The following STARD13 variants were observed in gnomAD, a reference collection of about 807,000 sequenced individuals.
STARD13 encodes the protein stAR-related lipid transfer protein 13.
STARD13 carries 62 observed loss-of-function variants against 106.4 expected under a neutral mutation model. The ratio of observed to expected loss-of-function variants is 0.58; its 90% CI spans 0.48 to 0.72. The LOEUF is 0.72. STARD13 is among the 30% of genes least tolerant of loss of function. STARD13 has a pLI of 0.00. For synonymous variants in STARD13, 565 were observed against 553.0 expected, an observed-to-expected ratio of 1.02 and a Z score of -0.31; for missense variants, 1,387 against 1,424.0, an observed-to-expected ratio of 0.97 and a Z score of 0.42.
intron 1 of STARD13, among the ~76,000 whole-genome samples, chr13:33,221,940 A>G (rs1440468324): frequency 6.6e-6 from 1 of 152,164 alleles, no homozygotes; most frequent in African/African-American, 2.4e-5. Context: ...CACAAGGTCA[A>G]GAGATCGAGA....
chr13:33,564,541 CAAAAG>C, the STARD13 span, among the ~76,000 whole-genome samples: 3 of 145,882 alleles, frequency 2.1e-5, no homozygotes, highest in South Asian at 6.5e-4. Flanking sequence ...GATGTGTAGC[CAAAAG>C]AAAAATCAAC....
At chr13:33,368,452 A>C in the STARD13 span, among the ~76,000 whole-genome samples, 1 of 152,206 alleles carries the variant, frequency 6.6e-6, no homozygotes, top group African/African-American at 2.4e-5. Context: ...TGGGCTTTCA[A>C]AAATTAAGAA....
At chr13:33,499,279 T>C in the STARD13 span, among the ~76,000 whole-genome samples, 1 of 152,244 alleles carries the variant, frequency 6.6e-6, no homozygotes, top group Non-Finnish European at 1.5e-5. Context: ...TGAACAAGTA[T>C]ATTAGTCAGC....
intron 3 of STARD13, 81 bp from the exon 4 acceptor site, chr13:33,142,454 AG>A (rs1879961839): frequency 6.1e-6 from 8 of 1,314,084 alleles, no homozygotes; most frequent in Middle Eastern, 1.8e-4. Context: ...CTTTATTTCC[AG>A]TAAAGTTGAA....
intron 1 of STARD13, among the ~76,000 whole-genome samples, chr13:33,323,688 G>A (rs749041900): frequency 1.3e-5 from 2 of 152,032 alleles, no homozygotes; most frequent in African/African-American, 4.8e-5. Flanking sequence ...TGATTCTCTG[G>A]CCTTCAATTA....
intron 3 of STARD13, among the ~76,000 whole-genome samples, chr13:33,154,302 G>C (rs1390076736): frequency 6.6e-6 from 1 of 152,190 alleles, no homozygotes; most frequent in Non-Finnish European, 1.5e-5. Flanking sequence ...GTTCTGCCGA[G>C]TGGTCAGGCT....
In STARD13 at chr13:33,152,142, C is replaced by A. The variant is rs184983696; in HGVS notation, c.324-9769G>T. On this transcript the variant is annotated intron_variant, in intron 3 of 13. Coordinates refer to ENST00000336934, the MANE Select transcript of STARD13 (RefSeq NM_178006.4). ...AAGATACATAATAATTAAAGTCAAT[C>A]ATCCAGGGGAAATCCAGAACTCTGG... 1.4e-4 allele frequency among the ~76,000 whole-genome samples: 22 copies of A among 152,286 alleles called. No homozygotes were observed. The East Asian group carries it at 3.9e-3, about 27-fold the overall frequency.
chr13:33,462,671 A>T, the STARD13 span, among the ~76,000 whole-genome samples: 2 of 152,252 alleles, frequency 1.3e-5, no homozygotes, highest in African/African-American at 4.8e-5. Context: ...TTGGAGTCTG[A>T]CGTTCAAGGG....
the STARD13 span, among the ~76,000 whole-genome samples, chr13:33,462,155 C>A: frequency 6.6e-6 from 1 of 152,302 alleles, no homozygotes; most frequent in South Asian, 2.1e-4. Flanking sequence ...TGCCTCTGAA[C>A]TTGCACTTAC....
chr13:33,167,980 CT>C (rs34360802), intron 1 of STARD13, among the ~76,000 whole-genome samples: 109,736 of 149,360 alleles, frequency 0.73, 40,124 homozygotes, highest in African/African-American at 0.76. Flanking sequence ...CTTTACAATT[CT>C]TTTTTTTTTT....
At chr13:33,105,755 A>G (rs1422447337) in intron 13 of STARD13, 45 bp from the exon 14 acceptor site, 1 of 1,514,758 alleles carries the variant, frequency 6.6e-7, no homozygotes, top group Admixed American at 1.7e-5. Context: ...GTTTGTTTCC[A>G]AATCACAGCA....
chr13:33,386,562 G>A, the STARD13 span, among the ~76,000 whole-genome samples: 1 of 151,924 alleles, frequency 6.6e-6, no homozygotes, highest in Non-Finnish European at 1.5e-5. Context: ...GACCTCCTCT[G>A]GGGGGGTCGA....
At chr13:33,458,277 G>GTTT in the STARD13 span, among the ~76,000 whole-genome samples, 1 of 144,022 alleles carries the variant, frequency 6.9e-6, no homozygotes, top group Non-Finnish European at 1.5e-5. Flanking sequence ...GTTTTTTGTT[G>GTTT]TTTTTTTTTT....
chr13:33,639,592 C>G, the STARD13 span, among the ~76,000 whole-genome samples: 2 of 152,328 alleles, frequency 1.3e-5, no homozygotes, highest in Admixed American at 1.3e-4. Context: ...CCAAAGCTGC[C>G]TCCTTACATA....
At chr13:33,562,204 C>A in the STARD13 span, among the ~76,000 whole-genome samples, 1 of 146,786 alleles carries the variant, frequency 6.8e-6, no homozygotes, top group Non-Finnish European at 1.5e-5. Context: ...CAAATCTTCA[C>A]ATTTATTTTA....
the STARD13 span, among the ~76,000 whole-genome samples, chr13:33,404,347 C>T: frequency 1.3e-5 from 2 of 152,060 alleles, no homozygotes; most frequent in African/African-American, 4.8e-5. Flanking sequence ...TGTGTTTTCC[C>T]ACAAACAAGA....
At chr13:33,225,926 A>G (rs887786236) in intron 1 of STARD13, among the ~76,000 whole-genome samples, 3 of 152,244 alleles carry the variant, frequency 2.0e-5, no homozygotes, top group African/African-American at 7.2e-5. Context: ...CTTAATCCCC[A>G]GTGTGACTGC....
intron 3 of STARD13, among the ~76,000 whole-genome samples, chr13:33,163,235 T>C (rs1882844280): frequency 6.6e-6 from 1 of 152,102 alleles, no homozygotes; most frequent in Non-Finnish European, 1.5e-5. Flanking sequence ...GTGGGAATTA[T>C]GGGAATACAA....
chr13:33,118,747 T>A (rs1280090399), intron 7 of STARD13, among the ~76,000 whole-genome samples: 1 of 152,134 alleles, frequency 6.6e-6, no homozygotes, highest in African/African-American at 2.4e-5. Flanking sequence ...GATGAAAGAA[T>A]CCCAGATAAA....
Sources: gnomAD v4.1 joint callset for allele counts (sites outside exome capture counted in the v4.1 genomes callset) on GRCh38, gnomAD v4.1.1 for gene constraint, MANE v1.5 for transcripts, NCBI Gene and HGNC (gene_info 2026-07-23, HGNC 2026-07-21) for gene names.